SMYD1: variants seen among roughly 807,000 people sequenced by gnomAD.
SMYD1 encodes the protein histone-lysine N-methyltransferase SMYD1.
A neutral mutation model predicts 54.0 loss-of-function variants in SMYD1; 49 were observed. The observed-to-expected ratio is 0.91, with a 90% CI of 0.72 to 1.15. The LOEUF is 1.15. Among genes scored for constraint, SMYD1 ranks in the 50% most tolerant of loss-of-function variants. The pLI is 0.00. For synonymous variants in SMYD1, 269 were observed against 234.2 expected, an observed-to-expected ratio of 1.15 and a Z score of -1.36; for missense variants, 653 against 639.6, an observed-to-expected ratio of 1.02 and a Z score of -0.23.
intron 1 of SMYD1, among the ~76,000 whole-genome samples, chr2:88,079,694 G>A (rs948640217): frequency 2.0e-5 from 3 of 152,128 alleles, no homozygotes; most frequent in Non-Finnish European, 4.4e-5. Context: ...GGTGGCGGGT[G>A]CCTGTAATCC....
chr2:88,110,551 C>A lies in SMYD1; in HGVS notation c.*39C>A. On this transcript the variant is annotated 3_prime_UTR_variant, in exon 10 of 10. Coordinates refer to ENST00000419482, the MANE Select transcript of SMYD1 (RefSeq NM_198274.4). ...GAGGAGGGGCGATGTGGCTGGGGAGCTAGGGAGAGACTCTGGAGGTGGTGG... is the reference window on the plus strand; with the variant it reads ...GAGGAGGGGCGATGTGGCTGGGGAGATAGGGAGAGACTCTGGAGGTGGTGG... 6.6e-7 allele frequency: 1 copy of A among 1,513,910 alleles called. No individual in the cohort carries two copies. Among genetic ancestry groups the A allele is most frequent in the South Asian group, 1.3e-5 (1 of 78,216 alleles). 93.8% of individuals were successfully genotyped at this position (1,513,910 alleles called of 1,614,324 possible). A position where few individuals can be genotyped will look rare whatever the true frequency, so the allele number is the denominator to read the frequency against.
chr2:88,068,069 C>T, intron 1 of SMYD1, 68 bp downstream of exon 1: 1 of 1,521,424 alleles, frequency 6.6e-7, no homozygotes, highest in East Asian at 2.4e-5. Context: ...AAATACTTTG[C>T]TCTCAAAAAT....
rs1674510723 is a variant in SMYD1, at chr2:88,093,572, A to G, written c.698+17A>G. 1 of 1,614,126 alleles carries G rather than the reference A, an allele frequency of 6.2e-7. No homozygotes were observed. The highest frequency in any genetic ancestry group is 1.1e-5 in the South Asian group (1 of 91,076). On this transcript the variant is annotated intron_variant, in intron 5 of 9. Coordinates refer to ENST00000419482, the MANE Select transcript of SMYD1 (RefSeq NM_198274.4). ...CCAGATGAGGTGGGTCAGTCCTTTC[A>G]AGCATCCCTGCTCCTCTGACCCATC...
intron 1 of SMYD1, among the ~76,000 whole-genome samples, chr2:88,071,391 C>A (rs1453233901): frequency 6.6e-6 from 1 of 152,188 alleles, no homozygotes; most frequent in Non-Finnish European, 1.5e-5. Context: ...CAGTAACAAT[C>A]CAGGCCCTTA....
At chr2:88,099,003 A>G (rs1674663027) in intron 6 of SMYD1, among the ~76,000 whole-genome samples, 1 of 151,960 alleles carries the variant, frequency 6.6e-6, no homozygotes, top group Non-Finnish European at 1.5e-5. Flanking sequence ...AACTTATGAC[A>G]TTTTTCCTCA....
In SMYD1 at chr2:88,096,734, C is replaced by G. The variant is rs1393058817; in HGVS notation, c.838C>G (p.Gln280Glu). Residue 280 changes from glutamine to glutamate, a missense_variant, in exon 6 of 10, where the codon CAG becomes GAG. Coordinates refer to ENST00000419482, the MANE Select transcript of SMYD1 (RefSeq NM_198274.4). Reference protein sequence around the residue: ...YYFDCTCEHCQKKLKDDLFLG... With the variant: ...YYFDCTCEHCEKKLKDDLFLG... ...CTTTGACTGCACATGTGAACACTGC[C>G]AGAAAAAACTGAAGGATGACCTCTT... 6.2e-7 allele frequency: 1 copy of G among 1,613,980 alleles called. No homozygotes were observed. Among genetic ancestry groups the G allele is most frequent in the Non-Finnish European group, 8.5e-7 (1 of 1,180,008 alleles).
intron 6 of SMYD1, among the ~76,000 whole-genome samples, chr2:88,097,948 C>T (rs1402980275): frequency 6.6e-6 from 1 of 152,034 alleles, no homozygotes; most frequent in African/African-American, 2.4e-5. Flanking sequence ...AGTTGGGGTC[C>T]AAGGATTTAT....
At position 88,112,966 on chromosome 2, in the gene SMYD1, C is replaced by T. The variant is rs1436944315; in HGVS notation, c.*2454C>T. The stretch of plus-strand genomic sequence containing the variant: ...AATGACCACCTTAGGGCTGATGATT[C>T]TCAAATCTGTATTCCCCGATCTTGC... On this transcript the variant is annotated 3_prime_UTR_variant, in exon 10 of 10. Transcript: ENST00000419482. 1 of 152,190 alleles carries T rather than the reference C, an allele frequency of 6.6e-6. No homozygotes were observed. Among genetic ancestry groups the T allele is most frequent in the Non-Finnish European group, 1.5e-5 (1 of 68,034 alleles). 9.4% of individuals were successfully genotyped at this position (152,190 alleles called of 1,614,324 possible). A position where few individuals can be genotyped will look rare whatever the true frequency, so the allele number is the denominator to read the frequency against.
rs1286941687 is a variant in SMYD1, at chr2:88,112,097, G to T, written c.*1585G>T. The T allele has an allele frequency of 7.1e-6, 5 of 703,226 alleles. No homozygotes were observed. The East Asian group carries it at 1.3e-4, about 19-fold the overall frequency. The allele number at this position is 703,226 out of a possible 1,614,324, so 43.6% of individuals were successfully genotyped here. ...GTCTTGTTTGAAGAATTTCCTTTCT[G>T]GAAGGTTTTACAAGAAGACTGATAG... On this transcript the variant is annotated 3_prime_UTR_variant, in exon 10 of 10. Transcript: ENST00000419482.
chr2:88,102,997 C>G, intron 6 of SMYD1, 61 bp from the exon 7 acceptor site: 1 of 1,336,320 alleles, frequency 7.5e-7, no homozygotes. Flanking sequence ...GGCAACTATT[C>G]AAAGGTGGAA....
intron 6 of SMYD1, among the ~76,000 whole-genome samples, chr2:88,101,114 T>C (rs1946951): frequency 0.34 from 51,677 of 152,090 alleles, 9,517 homozygotes; most frequent in African/African-American, 0.49. Flanking sequence ...TGAAAACCCA[T>C]GGCAGAACTG....
intron 1 of SMYD1, among the ~76,000 whole-genome samples, chr2:88,070,100 A>G (rs1421206653): frequency 7.1e-6 from 1 of 141,814 alleles, no homozygotes; most frequent in African/African-American, 2.6e-5. Flanking sequence ...AAAATGATTG[A>G]AAAAAAATCT....
At chr2:88,104,133 A>AT (rs764314146) in intron 7 of SMYD1, among the ~76,000 whole-genome samples, 18 of 151,908 alleles carry the variant, frequency 1.2e-4, no homozygotes, top group East Asian at 3.9e-4. Context: ...CGCCTGGCTA[A>AT]TTTTTTGTAC....
chr2:88,092,071 T>A (rs1325071758), intron 4 of SMYD1, among the ~76,000 whole-genome samples: 1 of 152,108 alleles, frequency 6.6e-6, no homozygotes, highest in Non-Finnish European at 1.5e-5. Context: ...GGCTTATAAC[T>A]GTGTCTAGAG....
At chr2:88,099,805 C>T (rs1674678327) in intron 6 of SMYD1, among the ~76,000 whole-genome samples, 1 of 151,442 alleles carries the variant, frequency 6.6e-6, no homozygotes, top group South Asian at 2.1e-4. Context: ...ATCCTTCTTA[C>T]CCCTTCTCCT....
Position 88,091,091 on chromosome 2 carries a change from T to A in SMYD1, c.608T>A (p.Leu203Gln), listed in dbSNP as rs757035486. The A allele has an allele frequency of 1.4e-5, 22 of 1,614,102 alleles. No individual in the cohort carries two copies. The highest frequency in any genetic ancestry group is 6.8e-6 in the Non-Finnish European group (8 of 1,180,036). The change falls in exon 4 of 10, where the codon CTG becomes CAG. Residue 203 changes from leucine to glutamine, a missense_variant. Physicochemically the swap from Leu to Gln is moderately radical, Grantham distance 113. Transcript: ENST00000419482. ...VGVGIFPNLGLVNHDCWPNCT... is the reference protein window; with the variant it reads ...VGVGIFPNLGQVNHDCWPNCT... ...GTAGGCATCTTCCCCAACCTGGGCC[T>A]GGTGAACCATGACTGTTGGCCCAAC...
intron 7 of SMYD1, among the ~76,000 whole-genome samples, chr2:88,104,181 T>G (rs765265241): frequency 6.6e-6 from 1 of 152,142 alleles, no homozygotes; most frequent in Non-Finnish European, 1.5e-5. Context: ...TTAGCCAGGA[T>G]GGTCTCGATT....
intron 1 of SMYD1, among the ~76,000 whole-genome samples, chr2:88,083,851 C>G (rs982826885): frequency 6.6e-6 from 1 of 152,172 alleles, no homozygotes; most frequent in Non-Finnish European, 1.5e-5. Flanking sequence ...AATCCCAGCA[C>G]TTTGGGAGGC....
intron 6 of SMYD1, among the ~76,000 whole-genome samples, chr2:88,098,383 T>C (rs1466814226): frequency 6.6e-6 from 1 of 152,184 alleles, no homozygotes; most frequent in East Asian, 1.9e-4. Flanking sequence ...TACCAGCTGG[T>C]GACAATACAC....
Sources: gnomAD v4.1 joint callset for allele counts (sites outside exome capture counted in the v4.1 genomes callset) on GRCh38, gnomAD v4.1.1 for gene constraint, MANE v1.5 for transcripts, NCBI Gene and HGNC (gene_info 2026-07-23, HGNC 2026-07-21) for gene names.